SMIM45: variants seen among roughly 807,000 people sequenced by gnomAD.
SMIM45 encodes long intergenic non-protein coding RNA 634.
chr22:41,958,483 GGA>G, the SMIM45 span: 11,138 of 334,408 alleles, frequency 0.033, 12 homozygotes, highest in East Asian at 0.082. Flanking sequence ...GGGTTGGTGA[GGA>G]GAGAGAGAGA....
the SMIM45 span, chr22:41,957,908 G>A: frequency 5.9e-6 from 1 of 168,578 alleles, no homozygotes; most frequent in Non-Finnish European, 1.3e-5. Flanking sequence ...CTTGCAAAGG[G>A]GATAGGCGGG....
the SMIM45 span, chr22:41,947,251 T>G: frequency 3.3e-6 from 2 of 612,552 alleles, no homozygotes; most frequent in African/African-American, 3.7e-5. Flanking sequence ...CTGAGGGGCG[T>G]TCCAGCGCTA....
the SMIM45 span, chr22:41,958,358 G>T: frequency 2.2e-6 from 1 of 456,482 alleles, no homozygotes; most frequent in Admixed American, 2.3e-5. Context: ...TAAGAACCTC[G>T]TTTGGAGGGA....
chr22:41,956,778 A>G, the SMIM45 span, among the ~76,000 whole-genome samples: 1 of 152,250 alleles, frequency 6.6e-6, no homozygotes, highest in African/African-American at 2.4e-5. Flanking sequence ...AAGGGCACAC[A>G]TCCTGGCAAG....
At chr22:41,953,842 C>T in the SMIM45 span, among the ~76,000 whole-genome samples, 6 of 149,204 alleles carry the variant, frequency 4.0e-5, no homozygotes, top group Non-Finnish European at 8.9e-5. Flanking sequence ...GCTCTGCCTC[C>T]GGGGTTCACG....
the SMIM45 span, among the ~76,000 whole-genome samples, chr22:41,948,929 G>A: frequency 4.6e-5 from 7 of 152,288 alleles, no homozygotes; most frequent in African/African-American, 1.7e-4. Flanking sequence ...GCTGGGCGTG[G>A]TGGTGCATGC....
At chr22:41,951,676 A>T in the SMIM45 span, among the ~76,000 whole-genome samples, 5 of 152,188 alleles carry the variant, frequency 3.3e-5, no homozygotes. Flanking sequence ...GAATTAATTG[A>T]GTTAATATAA....
chr22:41,955,202 CAG>C, the SMIM45 span, among the ~76,000 whole-genome samples: 1 of 149,880 alleles, frequency 6.7e-6, no homozygotes, highest in Non-Finnish European at 1.5e-5. Context: ...TTTTTTGAGA[CAG>C]AGTTTCACTC....
chr22:41,953,436 AG>A, the SMIM45 span, among the ~76,000 whole-genome samples: 1 of 152,190 alleles, frequency 6.6e-6, no homozygotes, highest in Admixed American at 6.5e-5. Flanking sequence ...GGAGGACGCA[AG>A]CCTCAGGGCA....
chr22:41,953,119 G>C, the SMIM45 span, among the ~76,000 whole-genome samples: 5 of 152,294 alleles, frequency 3.3e-5, no homozygotes, highest in South Asian at 1.0e-3. Context: ...TTCACAAATA[G>C]GGCACTTTAA....
chr22:41,955,611 C>G, the SMIM45 span, among the ~76,000 whole-genome samples: 1 of 152,006 alleles, frequency 6.6e-6, no homozygotes, highest in East Asian at 1.9e-4. Flanking sequence ...TCAAGACCAT[C>G]CTGGCTAACA....
chr22:41,953,547 T>C, the SMIM45 span, among the ~76,000 whole-genome samples: 1 of 152,042 alleles, frequency 6.6e-6, no homozygotes, highest in Non-Finnish European at 1.5e-5. Flanking sequence ...CTGTAAAATG[T>C]GGATAGTGAC....
chr22:41,953,078 T>G, the SMIM45 span, among the ~76,000 whole-genome samples: 1 of 152,188 alleles, frequency 6.6e-6, no homozygotes, highest in African/African-American at 2.4e-5. Flanking sequence ...CTAGTCACTT[T>G]GGATAATCAG....
the SMIM45 span, among the ~76,000 whole-genome samples, chr22:41,949,306 T>C: frequency 1.3e-5 from 2 of 151,482 alleles, no homozygotes. Flanking sequence ...GGGAGGAGGC[T>C]ACTTTAGAGC....
the SMIM45 span, among the ~76,000 whole-genome samples, chr22:41,955,374 T>C: frequency 6.6e-6 from 1 of 152,040 alleles, no homozygotes; most frequent in East Asian, 2.0e-4. Flanking sequence ...AGACAGGGTT[T>C]CACCATGTTG....
chr22:41,952,791 C>G, the SMIM45 span, among the ~76,000 whole-genome samples: 1 of 152,204 alleles, frequency 6.6e-6, no homozygotes, highest in African/African-American at 2.4e-5. Flanking sequence ...CCACATCCCC[C>G]AGCATTGCAG....
the SMIM45 span, among the ~76,000 whole-genome samples, chr22:41,948,227 A>G: frequency 6.6e-6 from 1 of 152,220 alleles, no homozygotes; most frequent in Non-Finnish European, 1.5e-5. Context: ...AGTCCCTGGT[A>G]CATCGTAGTT....
At chr22:41,947,194 G>C in the SMIM45 span, 9 of 886,380 alleles carry the variant, frequency 1.0e-5, no homozygotes, top group Non-Finnish European at 1.6e-5. Flanking sequence ...GGGGCTTCGC[G>C]GGACGGGACG....
chr22:41,947,515 G>C, the SMIM45 span, among the ~76,000 whole-genome samples: 1 of 151,766 alleles, frequency 6.6e-6, no homozygotes, highest in African/African-American at 2.4e-5. Context: ...CTACGGGCGC[G>C]CGTCACCACG....
Sources: gnomAD v4.1 joint callset for allele counts (sites outside exome capture counted in the v4.1 genomes callset) on GRCh38, gnomAD v4.1.1 for gene constraint, MANE v1.5 for transcripts, NCBI Gene and HGNC (gene_info 2026-07-23, HGNC 2026-07-21) for gene names.